FREM1: variants seen among roughly 807,000 people sequenced by gnomAD.
The protein encoded by FREM1 is FRAS1-related extracellular matrix protein 1.
In FREM1, 220 loss-of-function variants were observed where a neutral mutation model predicts 210.1. The observed-to-expected ratio is 1.05, with a 90% CI of 0.94 to 1.17. The LOEUF (loss-of-function observed/expected upper bound fraction) is 1.17, where lower values mean the gene tolerates loss of function less well. Ranked by LOEUF, FREM1 falls within the 50% of genes most tolerant of loss-of-function variation. The probability of loss-of-function intolerance (pLI) is 0.00; values close to 1 mark genes in which losing one functional copy is unlikely to be tolerated. For missense variants in FREM1, 3,454 were observed against 2,675.5 expected (o/e 1.29, Z -6.42); for synonymous variants, 1,189 against 980.2 (o/e 1.21, Z -3.98).
At chr9:14,901,566 C>A (rs1167955691) in intron 1 of FREM1, among the ~76,000 whole-genome samples, 3 of 151,378 alleles carry the variant, frequency 2.0e-5, no homozygotes, top group Non-Finnish European at 4.4e-5. Context: ...AAGGAAGTGA[C>A]TCCTTTTTAA....
chr9:14,791,685 G>C (rs1011570429), intron 22 of FREM1, among the ~76,000 whole-genome samples: 1 of 152,176 alleles, frequency 6.6e-6, no homozygotes, highest in Admixed American at 6.5e-5. Flanking sequence ...TGTTTGTGGA[G>C]TAAGTAGTCT....
chr9:14,820,192 T>A (rs1388506140), intron 13 of FREM1, among the ~76,000 whole-genome samples: 1 of 152,236 alleles, frequency 6.6e-6, no homozygotes, highest in Non-Finnish European at 1.5e-5. Context: ...AAAATATCCT[T>A]ACCATGGAGG....
At position 14,807,940 on chromosome 9, in the gene FREM1, C is replaced by G. The variant is rs570962604; in HGVS notation, c.3088G>C (p.Gly1030Arg). Residue 1030 changes from glycine (G) to arginine (R), a missense_variant and splice_region_variant, in exon 17 of 37, where the codon GGT becomes CGT. Gly to Arg is a moderately radical substitution (Grantham distance 125). Transcript: ENST00000380880. ...VDNQPPSIAI[G>R]PVFVVDEGCS... The stretch of plus-strand genomic sequence containing the variant: ...CTGGAACAAAAAAACACATTGTCAC[C>G]TATTGCAATGGAAGGTGGCTGGTTG... 1 of 1,608,188 alleles carries G rather than the reference C, an allele frequency of 6.2e-7. No individual in the cohort carries two copies. The highest frequency in any genetic ancestry group is 1.7e-5 in the Admixed American group (1 of 59,858).
In FREM1 at chr9:14,750,419, C is replaced by T. The variant is rs146523921; in HGVS notation, c.5408-143G>A. The T allele has an allele frequency of 4.6e-5, 27 of 592,222 alleles. No homozygotes were observed. The African/African-American group carries it at 4.6e-4, about 10-fold the overall frequency. The allele number at this position is 592,222 out of a possible 1,614,324, so 36.7% of individuals were successfully genotyped here. On this transcript the variant is annotated intron_variant, in intron 29 of 36. Transcript: ENST00000380880. ...GTACTGCTACCAACTCACTGAAGTC[C>T]TGCTGTTCTCCCAAATAATATGAAA... is the stretch of plus-strand genomic sequence containing the variant.
chr9:14,907,759 G>C (rs985487764), intron 1 of FREM1, among the ~76,000 whole-genome samples: 1 of 152,218 alleles, frequency 6.6e-6, no homozygotes, highest in African/African-American at 2.4e-5. Context: ...CCTATTCTCA[G>C]AGTAAATGCT....
At chr9:14,880,151 G>T (rs1487437924) in intron 1 of FREM1, among the ~76,000 whole-genome samples, 1 of 152,168 alleles carries the variant, frequency 6.6e-6, no homozygotes, top group African/African-American at 2.4e-5. Context: ...CTGCAAACCA[G>T]GAAGAGGTGA....
At chr9:14,781,924 C>T (rs1238242137) in intron 24 of FREM1, among the ~76,000 whole-genome samples, 6 of 152,176 alleles carry the variant, frequency 3.9e-5, no homozygotes, top group African/African-American at 1.4e-4. Flanking sequence ...AGGCTGGTCT[C>T]GAACTCCTGA....
At chr9:14,873,368 A>G (rs888244946) in intron 1 of FREM1, among the ~76,000 whole-genome samples, 1 of 152,112 alleles carries the variant, frequency 6.6e-6, no homozygotes, top group African/African-American at 2.4e-5. Flanking sequence ...GTCTATTCAG[A>G]GATTCAACTT....
intron 23 of FREM1, 23 bp from the exon 24 acceptor site, chr9:14,784,657 G>A (rs1444713478): frequency 6.8e-7 from 1 of 1,479,630 alleles, no homozygotes. Context: ...AGAGGTTATG[G>A]TCAATAATCA....
intron 1 of FREM1, among the ~76,000 whole-genome samples, chr9:14,901,448 C>G (rs746392550): frequency 5.9e-5 from 9 of 152,150 alleles, no homozygotes; most frequent in Non-Finnish European, 1.3e-4. Context: ...GGACCTCAAT[C>G]TTGTTCGTTT....
chr9:14,855,978 G>A (rs539313165), intron 5 of FREM1, among the ~76,000 whole-genome samples: 2 of 151,876 alleles, frequency 1.3e-5, no homozygotes, highest in East Asian at 3.9e-4. Context: ...TAGTGTTTAG[G>A]TCTGTATGAA....
At chr9:14,846,417 C>G (rs1826627427) in intron 7 of FREM1, among the ~76,000 whole-genome samples, 1 of 152,114 alleles carries the variant, frequency 6.6e-6, no homozygotes, top group African/African-American at 2.4e-5. Flanking sequence ...GCATGAGGGG[C>G]TTAAAACCTA....
intron 35 of FREM1, among the ~76,000 whole-genome samples, chr9:14,745,774 T>C (rs1842305656): frequency 6.6e-6 from 1 of 152,230 alleles, no homozygotes; most frequent in African/African-American, 2.4e-5. Flanking sequence ...ATTTTTAAAG[T>C]CCTTCTGGAC....
intron 1 of FREM1, among the ~76,000 whole-genome samples, chr9:14,873,665 C>T (rs1410188919): frequency 6.6e-6 from 1 of 152,106 alleles, no homozygotes; most frequent in Non-Finnish European, 1.5e-5. Context: ...GTCTCTATTT[C>T]CTTCAGTTCT....
At chr9:14,771,832 T>C (rs923388876) in intron 25 of FREM1, among the ~76,000 whole-genome samples, 3 of 152,098 alleles carry the variant, frequency 2.0e-5, no homozygotes, top group Admixed American at 6.6e-5. Context: ...AGAAAATGAA[T>C]TGATGATGAA....
Position 14,775,840 on chromosome 9 carries a change from GC to G in FREM1, c.4805del (p.Gly1602AlafsTer4), listed in dbSNP as rs761116447. The G allele has an allele frequency of 1.5e-5, 25 of 1,613,170 alleles. No homozygotes were observed. In the South Asian group the frequency reaches 2.6e-4, roughly 17 times the overall value. On this transcript the variant is annotated frameshift_variant, in exon 25 of 37. Coordinates refer to ENST00000380880, the MANE Select transcript of FREM1 (RefSeq NM_001379081.2). LOFTEE classifies it high-confidence loss of function. ...CCCACACTCTCCCATTCACAATAAA[GC>G]CTTGGTTTGTCCCATCTGTGGCCAT... is the stretch of plus-strand genomic sequence containing the variant. ...TFMATDGTNQGFIVNGRVWEE... is the reference protein window; with the variant it reads ...TFMATDGTNQXFIVNGRVWEE...
At chr9:14,838,050 G>C (rs1468200928) in intron 10 of FREM1, among the ~76,000 whole-genome samples, 2 of 152,190 alleles carry the variant, frequency 1.3e-5, no homozygotes, top group Non-Finnish European at 2.9e-5. Context: ...AGGGAGCACA[G>C]CTTGTAGGTG....
chr9:14,788,553 T>C (rs1850767802), intron 23 of FREM1, among the ~76,000 whole-genome samples: 1 of 152,230 alleles, frequency 6.6e-6, no homozygotes, highest in South Asian at 2.1e-4. Context: ...GAAACTCCAT[T>C]TTCCAGTGAT....
intron 1 of FREM1, among the ~76,000 whole-genome samples, chr9:14,879,466 T>G (rs10511601): frequency 0.22 from 33,381 of 152,042 alleles, 4,221 homozygotes; most frequent in East Asian, 0.58. Flanking sequence ...GTTTCATTAT[T>G]GCCACACAAC....
Sources: allele counts gnomAD v4.1 joint callset (sites outside exome capture counted in the v4.1 genomes callset), GRCh38; gene constraint gnomAD v4.1.1; transcripts MANE v1.5; gene names NCBI Gene and HGNC (gene_info 2026-07-23, HGNC 2026-07-21).